The following SNTG1 variants were observed in gnomAD, a reference collection of about 807,000 sequenced individuals.
SNTG1 encodes gamma-1-syntrophin.
SNTG1 carries 39 observed loss-of-function variants against 74.7 expected under a neutral mutation model. That is an observed-to-expected ratio of 0.52 (90% CI 0.40 to 0.68). SNTG1 has a LOEUF of 0.68. Among genes scored for constraint, SNTG1 ranks in the 30% least tolerant of loss-of-function variants. The probability of loss-of-function intolerance (pLI) is 0.00; values close to 1 mark genes in which losing one functional copy is unlikely to be tolerated. For synonymous variants in SNTG1, 254 were observed against 217.1 expected (o/e 1.17, Z -1.49); for missense variants, 685 against 609.5 (o/e 1.12, Z -1.30).
intron 1 of SNTG1, among the ~76,000 whole-genome samples, chr8:49,962,813 G>C (rs1178311444): frequency 6.6e-6 from 1 of 152,172 alleles, no homozygotes; most frequent in African/African-American, 2.4e-5. Context: ...GGCTGGTCTT[G>C]AACTCTTGAC....
At chr8:50,153,710 G>C (rs919791269) in intron 1 of SNTG1, among the ~76,000 whole-genome samples, 3 of 152,210 alleles carry the variant, frequency 2.0e-5, no homozygotes, top group Admixed American at 2.0e-4. Flanking sequence ...GGAGGCTGCA[G>C]AACAGCGAAT....
In SNTG1 at chr8:50,613,916, C is replaced by T. The variant is rs543481629; in HGVS notation, c.849+22999C>T. 4.6e-5 allele frequency among the ~76,000 whole-genome samples: 7 copies of T among 152,204 alleles called. No individual in the cohort carries two copies. In the East Asian group the frequency reaches 1.4e-3, roughly 29 times the overall value. ...TAAAAGTTGTAAAATAAAACACTCA[C>T]ACATTCACAAAATAATTCCATCTGT... is the stretch of plus-strand genomic sequence containing the variant. On this transcript the variant is annotated intron_variant, in intron 13 of 18. Coordinates refer to ENST00000642720, the MANE Select transcript of SNTG1 (RefSeq NM_018967.5).
intron 1 of SNTG1, among the ~76,000 whole-genome samples, chr8:50,009,957 T>C (rs1183316466): frequency 1.3e-5 from 2 of 152,194 alleles, no homozygotes; most frequent in African/African-American, 4.8e-5. Flanking sequence ...GATCGTGCCA[T>C]TGCACTCTAG....
chr8:50,306,042 C>T (rs746286060), intron 2 of SNTG1, among the ~76,000 whole-genome samples: 1 of 147,014 alleles, frequency 6.8e-6, no homozygotes, highest in African/African-American at 2.6e-5. Context: ...TATCCCTACC[C>T]CCCTCCCACC....
chr8:50,277,663 A>G (rs1358015419), intron 2 of SNTG1, among the ~76,000 whole-genome samples: 1 of 152,144 alleles, frequency 6.6e-6, no homozygotes, highest in Non-Finnish European at 1.5e-5. Flanking sequence ...GTATTCTACA[A>G]ACTTTTCCCA....
intron 11 of SNTG1, among the ~76,000 whole-genome samples, chr8:50,537,526 A>G (rs2094316460): frequency 6.6e-6 from 1 of 151,970 alleles, no homozygotes; most frequent in Non-Finnish European, 1.5e-5. Context: ...TATCTTGATC[A>G]GTTTTGCTAA....
chr8:49,973,826 A>C (rs1811945526), intron 1 of SNTG1, among the ~76,000 whole-genome samples: 1 of 152,220 alleles, frequency 6.6e-6, no homozygotes. Flanking sequence ...CCATTTGATA[A>C]CATATAGAAT....
At chr8:50,000,949 T>G (rs1814686041) in intron 1 of SNTG1, among the ~76,000 whole-genome samples, 1 of 152,206 alleles carries the variant, frequency 6.6e-6, no homozygotes, top group African/African-American at 2.4e-5. Flanking sequence ...GTCAAAGCCT[T>G]TCTTTTGCCT....
intron 1 of SNTG1, among the ~76,000 whole-genome samples, chr8:50,140,241 T>C (rs1019018793): frequency 1.3e-5 from 2 of 152,144 alleles, no homozygotes; most frequent in Non-Finnish European, 2.9e-5. Context: ...CTATTGTTAT[T>C]GTAGTTGAGA....
chr8:50,237,250 A>T (rs1216556422), intron 2 of SNTG1, among the ~76,000 whole-genome samples: 1 of 152,040 alleles, frequency 6.6e-6, no homozygotes, highest in Admixed American at 6.6e-5. Context: ...GGTTAACATG[A>T]TGCTCTACTC....
intron 1 of SNTG1, among the ~76,000 whole-genome samples, chr8:50,160,633 T>C (rs887910857): frequency 1.7e-5 from 2 of 115,680 alleles, no homozygotes; most frequent in Admixed American, 7.6e-5. Flanking sequence ...ACAAGGCATG[T>C]GATTTGTGAT....
chr8:50,535,275 A>G (rs933860837), intron 10 of SNTG1, among the ~76,000 whole-genome samples: 2 of 152,166 alleles, frequency 1.3e-5, no homozygotes, highest in Admixed American at 6.5e-5. Context: ...GGAAACTGGT[A>G]TTCAAATCTA....
chr8:50,519,117 G>T (rs940748605), intron 9 of SNTG1, among the ~76,000 whole-genome samples: 2 of 152,076 alleles, frequency 1.3e-5, no homozygotes, highest in African/African-American at 2.4e-5. Flanking sequence ...CGATCAAGCC[G>T]GCTTCATCCC....
At chr8:50,065,301 GT>G (rs1820814178) in intron 1 of SNTG1, among the ~76,000 whole-genome samples, 1 of 152,094 alleles carries the variant, frequency 6.6e-6, no homozygotes, top group Non-Finnish European at 1.5e-5. Context: ...AAAGCATCAT[GT>G]TTTTTATCTT....
Position 50,656,401 on chromosome 8 carries a change from A to G in SNTG1, c.850-508A>G, listed in dbSNP as rs149628004. Reference sequence around the variant, plus strand: ...TGTATTCATCTAAGATCAATGATTAAAAGGAGGGCATTTATCATTCTCCCC... The same window carrying G: ...TGTATTCATCTAAGATCAATGATTAGAAGGAGGGCATTTATCATTCTCCCC... On this transcript the variant is annotated intron_variant, in intron 13 of 18. Coordinates refer to ENST00000642720, the MANE Select transcript of SNTG1 (RefSeq NM_018967.5). 2.7e-3 allele frequency among the ~76,000 whole-genome samples: 407 copies of G among 152,302 alleles called. 3 individuals are homozygous for G. Among genetic ancestry groups the G allele is most frequent in the African/African-American group, 9.0e-3 (375 of 41,568 alleles).
intron 1 of SNTG1, among the ~76,000 whole-genome samples, chr8:50,011,217 G>T (rs948117862): frequency 1.3e-5 from 2 of 152,040 alleles, no homozygotes; most frequent in African/African-American, 4.8e-5. Flanking sequence ...CTGAATTTCA[G>T]CTCTGACTCT....
intron 2 of SNTG1, among the ~76,000 whole-genome samples, chr8:50,335,821 TTTTATTTTA>T (rs1329181460): frequency 5.1e-5 from 6 of 118,542 alleles, no homozygotes. Context: ...TGTTTTATTA[TTTTATTTTA>T]TTTTATTTTA....
chr8:50,186,443 A>G (rs1262869305), intron 2 of SNTG1, among the ~76,000 whole-genome samples: 1 of 151,932 alleles, frequency 6.6e-6, no homozygotes, highest in Non-Finnish European at 1.5e-5. Context: ...AAAGTCCTTG[A>G]GGAACACTGT....
intron 1 of SNTG1, among the ~76,000 whole-genome samples, chr8:50,136,836 G>A (rs1373859971): frequency 6.6e-6 from 1 of 152,060 alleles, no homozygotes; most frequent in Non-Finnish European, 1.5e-5. Flanking sequence ...GTACATACAG[G>A]GGTCAGGGTT....
Sources: allele counts gnomAD v4.1 joint callset (sites outside exome capture counted in the v4.1 genomes callset), GRCh38; gene constraint gnomAD v4.1.1; transcripts MANE v1.5; gene names NCBI Gene and HGNC (gene_info 2026-07-23, HGNC 2026-07-21).